The following SCUBE2 variants were observed in gnomAD, a reference collection of about 807,000 sequenced individuals.
The protein encoded by SCUBE2 is signal peptide, CUB domain and EGF like domain containing 2, also known as signal peptide, CUB and EGF-like domain-containing protein 2.
SCUBE2 carries 114 observed loss-of-function variants against 125.9 expected under a neutral mutation model. The ratio of observed to expected loss-of-function variants is 0.91; its 90% CI spans 0.78 to 1.06. The LOEUF (loss-of-function observed/expected upper bound fraction) is 1.06, where lower values mean the gene tolerates loss of function less well. Among genes scored for constraint, SCUBE2 ranks in the 50% least tolerant of loss-of-function variants. The pLI is 0.00. For synonymous variants in SCUBE2, 459 were observed against 492.9 expected (o/e 0.93, Z 0.91); for missense variants, 1,255 against 1,301.8 (o/e 0.96, Z 0.55).
At position 9,029,878 on chromosome 11, in the gene SCUBE2, A is replaced by G; in HGVS notation, c.2503+6T>C. 6.2e-7 allele frequency: 1 copy of G among 1,614,178 alleles called. No homozygotes were observed. The highest frequency in any genetic ancestry group is 8.5e-7 in the Non-Finnish European group (1 of 1,180,012). On this transcript the variant is annotated splice_donor_region_variant and intron_variant, in intron 19 of 22. Transcript: ENST00000649792. ...GAACTATGAAAAGCCTTAGAGAGGG[A>G]CCTACTTTTACACTGGGTTATGTTT...
At chr11:9,072,410 G>A (rs1447736401) in intron 4 of SCUBE2, among the ~76,000 whole-genome samples, 6 of 152,026 alleles carry the variant, frequency 3.9e-5, no homozygotes, top group African/African-American at 7.2e-5. Flanking sequence ...GGGTTTCACC[G>A]CGTTAGCCAG....
intron 6 of SCUBE2, 107 bp downstream of exon 6, chr11:9,066,589 CA>C: frequency 2.2e-6 from 2 of 906,518 alleles, no homozygotes; most frequent in East Asian, 4.9e-5. Context: ...GCTGGGGGGG[CA>C]AATGCACAGG....
At position 9,053,192 on chromosome 11, in the gene SCUBE2, T is replaced by C. The variant is rs765209408; in HGVS notation, c.1354A>G (p.Ser452Gly). The change falls in exon 12 of 23, where the codon AGT (serine) becomes GGT (glycine). Residue 452 changes from serine to glycine, a missense_variant. By Grantham distance (56) the Ser-to-Gly change is moderately conservative. This residue lies in a region of SCUBE2 where 378 missense variants were observed against 463.1 expected (regional missense o/e 0.82). Coordinates refer to ENST00000649792, the MANE Select transcript of SCUBE2 (RefSeq NM_001367977.2). ...CVEVKGLLPT[S>G]VSPRVSLHCG... is the part of the protein sequence containing the mutation. The stretch of plus-strand genomic sequence containing the variant: ...TGCAGGGACACACGGGGTGACACAC[T>C]TGTGGGCAGGAGCCCCTTCACTTCT... 2 of 1,614,144 alleles carry C rather than the reference T, an allele frequency of 1.2e-6. No individual in the cohort carries two copies. Among genetic ancestry groups the C allele is most frequent in the East Asian group, 2.2e-5 (1 of 44,876 alleles).
intron 19 of SCUBE2, among the ~76,000 whole-genome samples, chr11:9,028,290 C>G (rs978165525): frequency 6.6e-6 from 1 of 152,186 alleles, no homozygotes; most frequent in Non-Finnish European, 1.5e-5. Flanking sequence ...CGGCCTTGTC[C>G]TCCCAAAGTG....
At chr11:9,030,082 G>C in intron 18 of SCUBE2, 37 bp from the exon 19 acceptor site, 2 of 1,591,192 alleles carry the variant, frequency 1.3e-6, no homozygotes, top group Non-Finnish European at 1.7e-6. Context: ...ATGAAAAAAA[G>C]AAAGATTATT....
At chr11:9,026,974 A>C in intron 20 of SCUBE2, 1 of 219,336 alleles carries the variant, frequency 4.6e-6, no homozygotes, top group Non-Finnish European at 9.1e-6. Context: ...CTGGACCATG[A>C]ATCAGGATAG....
At chr11:9,073,953 A>T (rs964132425) in intron 4 of SCUBE2, among the ~76,000 whole-genome samples, 1 of 152,228 alleles carries the variant, frequency 6.6e-6, no homozygotes, top group Admixed American at 6.5e-5. Flanking sequence ...GAAGGAAACC[A>T]CAGCACGGAA....
At chr11:9,059,627 C>T (rs1309869656) in intron 8 of SCUBE2, 2 of 660,728 alleles carry the variant, frequency 3.0e-6, no homozygotes, top group Non-Finnish European at 4.8e-6. Flanking sequence ...ACAAGTGTTT[C>T]ATCGTCTTGA....
intron 22 of SCUBE2, among the ~76,000 whole-genome samples, 174 bp from the exon 23 acceptor site, chr11:9,021,371 G>A (rs1855281537): frequency 6.6e-6 from 1 of 151,978 alleles, no homozygotes; most frequent in Non-Finnish European, 1.5e-5. Context: ...TTCCTAATTA[G>A]TTTTAAGAAG....
At chr11:9,076,148 C>A (rs1013507353) in intron 3 of SCUBE2, among the ~76,000 whole-genome samples, 1 of 152,014 alleles carries the variant, frequency 6.6e-6, no homozygotes, top group African/African-American at 2.4e-5. Context: ...GATGAGAGAG[C>A]CAAAGGCGGG....
chr11:9,047,558 A>G lies in SCUBE2; in HGVS notation c.1800T>C (p.Ser600=). 6.2e-7 allele frequency: 1 copy of G among 1,613,926 alleles called. No homozygotes were observed. The highest frequency in any genetic ancestry group is 8.5e-7 in the Non-Finnish European group (1 of 1,179,946). Residue 600 remains serine (S), a synonymous_variant, in exon 16 of 23, where the codon TCT becomes TCC. Transcript: ENST00000649792. Reference sequence around the variant, plus strand: ...GCTTTACGATGCAGCTCAGGTCACAAGAAGCTACAGAAACAAGAGGGACAG... The same window carrying G: ...GCTTTACGATGCAGCTCAGGTCACAGGAAGCTACAGAAACAAGAGGGACAG... ...LETNQKEVTA[S]CDLSCIVKRT...
Position 9,089,788 on chromosome 11 carries a change from C to G in SCUBE2, c.175G>C (p.Asp59His), listed in dbSNP as rs148368735. 2.5e-6 allele frequency: 4 copies of G among 1,613,942 alleles called. No homozygotes were observed. The highest frequency in any genetic ancestry group is 2.2e-5 in the South Asian group (2 of 91,062). The change falls in exon 2 of 23, where the codon GAC (aspartate) becomes CAC (histidine). Residue 59 changes from aspartate to histidine, a missense_variant. Coordinates refer to ENST00000649792, the MANE Select transcript of SCUBE2 (RefSeq NM_001367977.2). Reference sequence around the variant, plus strand: ...GTGGGTGTGTTCTGACACAGGGCGTCGGCATGGCAGTCATCTAGCCCTTGG... The same window carrying G: ...GTGGGTGTGTTCTGACACAGGGCGTGGGCATGGCAGTCATCTAGCCCTTGG... ...CAQGLDDCHADALCQNTPTSY... is the reference protein window; with the variant it reads ...CAQGLDDCHAHALCQNTPTSY...
rs368008785 is a variant in SCUBE2, at chr11:9,047,451, C to T, written c.1907G>A (p.Gly636Asp). Reference protein sequence around the residue: ...HREQFHLQLSGMNLDVAKKPP... With the variant: ...HREQFHLQLSDMNLDVAKKPP... ...CTTTTTAGCCACGTCGAGGTTCATG[C>T]CTGAGAGCTGGAGGTGAAACTGCTC... Residue 636 changes from glycine (G) to aspartate (D), a missense_variant, in exon 16 of 23, where the codon GGC becomes GAC. By Grantham distance (94) the Gly-to-Asp change is moderately conservative. This residue lies in a region of SCUBE2 where 515 missense variants were observed against 515.7 expected (regional missense o/e 1.00). Coordinates refer to ENST00000649792, the MANE Select transcript of SCUBE2 (RefSeq NM_001367977.2). The T allele has an allele frequency of 1.1e-5, 18 of 1,613,946 alleles. No individual in the cohort carries two copies. The highest frequency in any genetic ancestry group is 1.4e-5 in the Non-Finnish European group (16 of 1,180,038).
chr11:9,079,303 C>T, intron 3 of SCUBE2, 81 bp downstream of exon 3: 3 of 1,553,370 alleles, frequency 1.9e-6, no homozygotes, highest in Non-Finnish European at 1.8e-6. Flanking sequence ...CCGTTTTTGT[C>T]TTCATGAGGA....
chr11:9,091,395 C>A lies in SCUBE2; in HGVS notation c.133+1G>T. The A allele has an allele frequency of 3.0e-6, 4 of 1,313,702 alleles. No homozygotes were observed. Among genetic ancestry groups the A allele is most frequent in the Non-Finnish European group, 3.9e-6 (4 of 1,037,784 alleles). 81.4% of individuals were successfully genotyped at this position (1,313,702 alleles called of 1,614,324 possible). On this transcript the variant is annotated splice_donor_variant, in intron 1 of 22. Coordinates refer to ENST00000649792, the MANE Select transcript of SCUBE2 (RefSeq NM_001367977.2). LOFTEE classifies it high-confidence loss of function. This position sits in a 1 kb window ranked among gnomAD's most constrained non-coding sequence, Gnocchi z 8.5. ...GTGCGCCCCCGCGGCCGGACACTCA[C>A]CCTCCTGCGGCCCCGCGGCACGGCC...
chr11:9,066,908 G>T, intron 5 of SCUBE2, 95 bp from the exon 6 acceptor site: 1 of 1,035,500 alleles, frequency 9.7e-7, no homozygotes. Flanking sequence ...CATTCTGCAA[G>T]TATTTGAGCA....
At chr11:9,032,757 A>C (rs1590013481) in intron 17 of SCUBE2, among the ~76,000 whole-genome samples, 1 of 152,216 alleles carries the variant, frequency 6.6e-6, no homozygotes, top group South Asian at 2.1e-4. Context: ...ATAATGTCAC[A>C]TACAAGGGTA....
chr11:9,026,981 A>G (rs1332080816), intron 20 of SCUBE2: 3 of 241,132 alleles, frequency 1.2e-5, no homozygotes, highest in Non-Finnish European at 2.5e-5. Context: ...ATGAATCAGG[A>G]TAGGAGGACA....
intron 10 of SCUBE2, among the ~76,000 whole-genome samples, chr11:9,054,725 A>ATATATATATATATATTTTT: frequency 4.5e-5 from 1 of 22,344 alleles, no homozygotes; most frequent in Non-Finnish European, 7.1e-5. Context: ...ATATATATAT[A>ATATATATATATATATTTTT]TTTTTTTTTT....
Sources: gnomAD v4.1 joint callset for allele counts (sites outside exome capture counted in the v4.1 genomes callset) on GRCh38, gnomAD v4.1.1 for gene constraint, gnomAD v4.1.1 regional missense constraint, Gnocchi (gnomAD v3.1) non-coding constraint, MANE v1.5 for transcripts, NCBI Gene and HGNC (gene_info 2026-07-23, HGNC 2026-07-21) for gene names.